Variants in MRPS14 observed in about 807,000 individuals in gnomAD.
MRPS14 encodes the protein mitochondrial ribosomal protein S14.
A neutral mutation model predicts 16.4 loss-of-function variants in MRPS14; 14 were observed. The observed-to-expected ratio is 0.85, with a 90% CI of 0.56 to 1.33. The LOEUF (loss-of-function observed/expected upper bound fraction) is 1.33. Ranked by LOEUF, MRPS14 falls within the 40% of genes most tolerant of loss-of-function variation. The pLI is 0.00. For synonymous variants in MRPS14, 54 were observed against 61.9 expected, an observed-to-expected ratio of 0.87 and a Z score of 0.60; for missense variants, 162 against 176.8, an observed-to-expected ratio of 0.92 and a Z score of 0.48.
chr1:175,014,909 T>A, intron 2 of MRPS14, 58 bp from the exon 3 acceptor site: 1 of 1,462,392 alleles, frequency 6.8e-7, no homozygotes, highest in Non-Finnish European at 9.3e-7. Context: ...TGTATTTTGC[T>A]CCTTCTCACT....
At position 175,013,500 on chromosome 1, in the gene MRPS14, C is replaced by G. The variant is rs1275867259; in HGVS notation, c.*1169G>C. The G allele has an allele frequency of 1.3e-5, 2 of 152,220 alleles. No homozygotes were observed. The highest frequency in any genetic ancestry group is 2.9e-5 in the Non-Finnish European group (2 of 68,048). The allele number at this position is 152,220 out of a possible 1,614,324, so 9.4% of individuals were successfully genotyped here. ...ACTTTAAAAATCTGTCCTCTCTCCT[C>G]TACTAATACCACAATGTTAGTTCAG... On this transcript the variant is annotated 3_prime_UTR_variant, in exon 3 of 3. Coordinates refer to ENST00000476371, the MANE Select transcript of MRPS14 (RefSeq NM_022100.3).
rs1356563164 is a variant in MRPS14, at chr1:175,013,094, T to G, written c.*1575A>C. ...AAGTGTTTGCCCATTGGTAGTGAGA[T>G]GGATTCTAAGTTGAGATATTAGCTA... On this transcript the variant is annotated 3_prime_UTR_variant, in exon 3 of 3. Coordinates refer to ENST00000476371, the MANE Select transcript of MRPS14 (RefSeq NM_022100.3). 6.6e-6 allele frequency: 1 copy of G among 152,248 alleles called. No homozygotes were observed. Among genetic ancestry groups the G allele is most frequent in the Admixed American group, 6.5e-5 (1 of 15,290 alleles). 9.4% of individuals were successfully genotyped at this position (152,248 alleles called of 1,614,324 possible).
At chr1:175,017,146 C>A (rs1360040792) in intron 2 of MRPS14, among the ~76,000 whole-genome samples, 2 of 152,092 alleles carry the variant, frequency 1.3e-5, no homozygotes. Flanking sequence ...CCTCTGCCTC[C>A]CGAGTTCAAG....
chr1:175,023,392 A>G lies in MRPS14; in HGVS notation c.17T>C (p.Leu6Pro). The change falls in exon 1 of 3, where the codon CTG becomes CCG. Residue 6 changes from leucine to proline, a missense_variant. By Grantham distance (98) the Leu-to-Pro change is moderately conservative. Coordinates refer to ENST00000476371, the MANE Select transcript of MRPS14 (RefSeq NM_022100.3). MAAFM[L>P]GSLLRTFKQM... ...CTTGAACGTCCGCAGCAGCGAGCCC[A>G]GCATGAAGGCCGCCATGTTGTCCGC... is the stretch of plus-strand genomic sequence containing the variant. 6.2e-7 allele frequency: 1 copy of G among 1,614,228 alleles called. No individual in the cohort carries two copies. The highest frequency in any genetic ancestry group is 8.5e-7 in the Non-Finnish European group (1 of 1,180,044).
intron 2 of MRPS14, among the ~76,000 whole-genome samples, chr1:175,016,157 G>A (rs899466465): frequency 6.7e-6 from 1 of 150,258 alleles, no homozygotes; most frequent in Admixed American, 6.6e-5. Context: ...TTGTGCCACT[G>A]CACTCCAGCC....
Position 175,014,456 on chromosome 1 carries a change from G to C in MRPS14, c.*213C>G, listed in dbSNP as rs1489324187. The stretch of plus-strand genomic sequence containing the variant: ...ACTCTTTGTACTATGTATGGGAACA[G>C]TATGTTTGTTAAGTCCAAGAGAAAA... On this transcript the variant is annotated 3_prime_UTR_variant, in exon 3 of 3. Coordinates refer to ENST00000476371, the MANE Select transcript of MRPS14 (RefSeq NM_022100.3). 1 of 512,576 alleles carries C rather than the reference G, an allele frequency of 2.0e-6. No individual in the cohort carries two copies. Among genetic ancestry groups the C allele is most frequent in the East Asian group, 3.0e-5 (1 of 32,860 alleles). 31.8% of individuals were successfully genotyped at this position (512,576 alleles called of 1,614,324 possible).
chr1:175,013,000 T>C lies in MRPS14; in HGVS notation c.*1669A>G, dbSNP rs560627676. The stretch of plus-strand genomic sequence containing the variant: ...ATGTGAATTTTGGAAGTACACAAAA[T>C]GTTCAAACTATAGCATGTATATATA... On this transcript the variant is annotated 3_prime_UTR_variant, in exon 3 of 3. Coordinates refer to ENST00000476371, the MANE Select transcript of MRPS14 (RefSeq NM_022100.3). The C allele has an allele frequency of 3.3e-5, 5 of 152,340 alleles. No individual in the cohort carries two copies. Among genetic ancestry groups the C allele is most frequent in the Admixed American group, 1.3e-4 (2 of 15,308 alleles). The allele number at this position is 152,340 out of a possible 1,614,324, so 9.4% of individuals were successfully genotyped here.
At position 175,023,373 on chromosome 1, in the gene MRPS14, C is replaced by T. The variant is rs1225211592; in HGVS notation, c.36G>A (p.Thr12=). 6.2e-7 allele frequency: 1 copy of T among 1,614,008 alleles called. No homozygotes were observed. The highest frequency in any genetic ancestry group is 8.5e-7 in the Non-Finnish European group (1 of 1,180,030). The change falls in exon 1 of 3, where the codon ACG becomes ACA. Residue 12 remains threonine, a synonymous_variant. Coordinates refer to ENST00000476371, the MANE Select transcript of MRPS14 (RefSeq NM_022100.3). Reference sequence around the variant, plus strand: ...AAAGTAGAGGCCTGACCTGCTTGAACGTCCGCAGCAGCGAGCCCAGCATGA... The same window carrying T: ...AAAGTAGAGGCCTGACCTGCTTGAATGTCCGCAGCAGCGAGCCCAGCATGA... ...AAFMLGSLLR[T]FKQMVPSSAS... is the part of the protein sequence containing the mutation.
At position 175,014,787 on chromosome 1, in the gene MRPS14, C is replaced by T; in HGVS notation, c.269G>A (p.Arg90Gln). ...RDSCPVRIRN[R>Q]CVMTSRPRGV... is the part of the protein sequence containing the mutation. ...ACGCGGACGGGACGTCATAACACAC[C>T]GATTTCTGATTCTAACAGGACAGCT... Residue 90 changes from arginine to glutamine, a missense_variant, in exon 3 of 3, where the codon CGG becomes CAG. Physicochemically the swap from Arg to Gln is conservative, Grantham distance 43. Transcript: ENST00000476371. 12 of 1,614,126 alleles carry T rather than the reference C, an allele frequency of 7.4e-6. No homozygotes were observed. The highest frequency in any genetic ancestry group is 1.0e-5 in the Non-Finnish European group (12 of 1,180,036).
At chr1:175,014,933 CTTTTCTTT>C (rs1574115828) in intron 2 of MRPS14, 82 bp from the exon 3 acceptor site, 49 of 768,654 alleles carry the variant, frequency 6.4e-5, no homozygotes, top group Middle Eastern at 3.5e-4. Context: ...AGGTAATTTT[CTTTTCTTT>C]TTTTTTTTTT....
chr1:175,019,169 A>G (rs1429466816), intron 1 of MRPS14, among the ~76,000 whole-genome samples: 1 of 152,202 alleles, frequency 6.6e-6, no homozygotes, highest in Non-Finnish European at 1.5e-5. Context: ...TTAACCTGCC[A>G]CGTATTGCTG....
At chr1:175,017,412 C>T (rs1057029490) in intron 2 of MRPS14, among the ~76,000 whole-genome samples, 1 of 152,118 alleles carries the variant, frequency 6.6e-6, no homozygotes, top group Non-Finnish European at 1.5e-5. Flanking sequence ...AAGCCATAAC[C>T]CAGTGGTCCA....
At chr1:175,021,857 A>G (rs1672984598) in intron 1 of MRPS14, among the ~76,000 whole-genome samples, 1 of 152,204 alleles carries the variant, frequency 6.6e-6, no homozygotes, top group African/African-American at 2.4e-5. Context: ...ATTAGAAGAA[A>G]TCAAAAGAGC....
In MRPS14 at chr1:175,013,973, T is replaced by C. The variant is rs1344996912; in HGVS notation, c.*696A>G. 6.6e-6 allele frequency: 1 copy of C among 152,252 alleles called. No individual in the cohort carries two copies. Among genetic ancestry groups the C allele is most frequent in the African/African-American group, 2.4e-5 (1 of 41,460 alleles). The allele number at this position is 152,252 out of a possible 1,614,324, so 9.4% of individuals were successfully genotyped here. A position where few individuals can be genotyped will look rare whatever the true frequency, so the allele number is the denominator to read the frequency against. On this transcript the variant is annotated 3_prime_UTR_variant, in exon 3 of 3. Transcript: ENST00000476371. ...ACTGTTGAGTTACTGAATGAGAACTTTGTGCTACCCTTACTCATTTCTGTT... is the reference window on the plus strand; with the variant it reads ...ACTGTTGAGTTACTGAATGAGAACTCTGTGCTACCCTTACTCATTTCTGTT...
At chr1:175,020,322 G>C (rs1482655824) in intron 1 of MRPS14, among the ~76,000 whole-genome samples, 4 of 152,124 alleles carry the variant, frequency 2.6e-5, no homozygotes, top group Non-Finnish European at 4.4e-5. Flanking sequence ...GGCAATGTGA[G>C]GTTTGCTTTT....
At chr1:175,018,697 T>C (rs1372903825) in intron 1 of MRPS14, 121 bp from the exon 2 acceptor site, 2 of 900,780 alleles carry the variant, frequency 2.2e-6, no homozygotes, top group Non-Finnish European at 3.2e-6. Flanking sequence ...AGAGTTGTTT[T>C]AGATCAGTTT....
At position 175,014,732 on chromosome 1, in the gene MRPS14, A is replaced by G; in HGVS notation, c.324T>C (p.Arg108=). 1 of 1,614,094 alleles carries G rather than the reference A, an allele frequency of 6.2e-7. No individual in the cohort carries two copies. The highest frequency in any genetic ancestry group is 8.5e-7 in the Non-Finnish European group (1 of 1,180,012). The change falls in exon 3 of 3, where the codon CGT becomes CGC. Residue 108 remains arginine (R), a synonymous_variant. Transcript: ENST00000476371. ...GGTCAGCTAAGTGACGGAAGACTAT[A>G]CGACTAAGCCTCCAGCGCCGCTTCA... ...RGVKRRWRLS[R]IVFRHLADHG...
intron 1 of MRPS14, among the ~76,000 whole-genome samples, chr1:175,020,438 A>T (rs191925357): frequency 1.3e-3 from 198 of 152,340 alleles, no homozygotes; most frequent in African/African-American, 4.5e-3. Flanking sequence ...GAAGACTTCT[A>T]TTAGTTTTTA....
intron 2 of MRPS14, among the ~76,000 whole-genome samples, chr1:175,017,978 G>A (rs1432570765): frequency 6.6e-6 from 1 of 152,114 alleles, no homozygotes; most frequent in South Asian, 2.1e-4. Flanking sequence ...ACAAAAATTA[G>A]CCAGGCATGG....
Sources: allele counts gnomAD v4.1 joint callset (sites outside exome capture counted in the v4.1 genomes callset), GRCh38; gene constraint gnomAD v4.1.1; transcripts MANE v1.5; gene names NCBI Gene and HGNC (gene_info 2026-07-23, HGNC 2026-07-21).